The following CCDC85C variants were observed in gnomAD, a reference collection of about 807,000 sequenced individuals.
The protein encoded by CCDC85C is coiled-coil domain containing 85C.
In CCDC85C, 18 loss-of-function variants were observed where a neutral mutation model predicts 38.3. That is an observed-to-expected ratio of 0.47 (90% CI 0.33 to 0.70). The LOEUF (loss-of-function observed/expected upper bound fraction) is 0.70, where lower values mean the gene tolerates loss of function less well. Among genes scored for constraint, CCDC85C ranks in the 30% least tolerant of loss-of-function variants. The pLI is 0.03. For missense variants in CCDC85C, 566 were observed against 621.2 expected, an observed-to-expected ratio of 0.91 and a Z score of 0.94; for synonymous variants, 264 against 293.8, an observed-to-expected ratio of 0.90 and a Z score of 1.04.
chr14:99,561,627 G>A (rs1051898954), intron 1 of CCDC85C, among the ~76,000 whole-genome samples: 11 of 152,266 alleles, frequency 7.2e-5, no homozygotes, highest in Admixed American at 2.6e-4. Flanking sequence ...TGCTGCGAGC[G>A]GGCAGACCCT....
At chr14:99,550,274 T>C (rs1897883038) in intron 1 of CCDC85C, among the ~76,000 whole-genome samples, 1 of 152,154 alleles carries the variant, frequency 6.6e-6, no homozygotes. Context: ...TCTAACTGCA[T>C]GAATGTTTAA....
At chr14:99,527,425 T>C (rs539290108) in intron 2 of CCDC85C, among the ~76,000 whole-genome samples, 232 of 152,224 alleles carry the variant, frequency 1.5e-3, no homozygotes, top group Non-Finnish European at 2.8e-3. Context: ...GGGCAGGTAT[T>C]CTGGGGCGGG....
At chr14:99,595,029 G>T (rs1441386178) in intron 1 of CCDC85C, among the ~76,000 whole-genome samples, 2 of 152,188 alleles carry the variant, frequency 1.3e-5, no homozygotes, top group Non-Finnish European at 2.9e-5. Context: ...ATCAGAAAAG[G>T]TTAGAGCTAG....
In CCDC85C at chr14:99,544,120, G is replaced by A. The variant is rs1481979509; in HGVS notation, c.794-8032C>T. On this transcript the variant is annotated intron_variant, in intron 1 of 5. Transcript: ENST00000380243. This position sits in a 1 kb window ranked among gnomAD's most constrained non-coding sequence, Gnocchi z 5.3. ...CACAACCCCATCACACCAAGCTGAC[G>A]AGGGACATCCTGTAACTGCTACCAC... Among the ~76,000 whole-genome samples, 2 of 152,166 alleles carry A rather than the reference G, an allele frequency of 1.3e-5. No individual in the cohort carries two copies. Among genetic ancestry groups the A allele is most frequent in the Non-Finnish European group, 2.9e-5 (2 of 68,038 alleles).
chr14:99,510,496 C>G lies in CCDC85C; in HGVS notation c.*4750G>C. Reference sequence around the variant, plus strand: ...TACCCGCCCAACCCGCCCCCGCCACCTGTGCCTCCTCCCCCAGCCTCCTTC... The same window carrying G: ...TACCCGCCCAACCCGCCCCCGCCACGTGTGCCTCCTCCCCCAGCCTCCTTC... On this transcript the variant is annotated 3_prime_UTR_variant, in exon 6 of 6. Coordinates refer to ENST00000380243, the MANE Select transcript of CCDC85C (RefSeq NM_001144995.2). The G allele has an allele frequency of 1.7e-6, 2 of 1,164,182 alleles. No homozygotes were observed. The highest frequency in any genetic ancestry group is 2.4e-6 in the Non-Finnish European group (2 of 830,890). 72.1% of individuals were successfully genotyped at this position (1,164,182 alleles called of 1,614,324 possible).
chr14:99,593,245 G>C (rs865792447), intron 1 of CCDC85C, among the ~76,000 whole-genome samples: 2 of 152,358 alleles, frequency 1.3e-5, no homozygotes, highest in South Asian at 4.1e-4. Flanking sequence ...CCTCCTTCTT[G>C]CCTTACAACC....
chr14:99,510,460 ACCC>A lies in CCDC85C; in HGVS notation c.*4783_*4785del, dbSNP rs1302182253. On this transcript the variant is annotated 3_prime_UTR_variant, in exon 6 of 6. Coordinates refer to ENST00000380243, the MANE Select transcript of CCDC85C (RefSeq NM_001144995.2). ...GGCCCACCTGCACACCTGCCCTACC[ACCC>A]CCATGTCTACCCGCCCAACCCGCCC... is the stretch of plus-strand genomic sequence containing the variant. The A allele has an allele frequency of 8.9e-7, 1 of 1,120,372 alleles. No individual in the cohort carries two copies. The highest frequency in any genetic ancestry group is 1.1e-6 in the Non-Finnish European group (1 of 894,746). The allele number at this position is 1,120,372 out of a possible 1,614,324, so 69.4% of individuals were successfully genotyped here.
chr14:99,529,477 G>A (rs569230602), intron 2 of CCDC85C, among the ~76,000 whole-genome samples: 83 of 152,232 alleles, frequency 5.5e-4, no homozygotes, highest in African/African-American at 1.7e-3. Flanking sequence ...ATCTCGGCTT[G>A]CTGCAACCTC....
chr14:99,585,192 T>G (rs2055013781), intron 1 of CCDC85C, among the ~76,000 whole-genome samples: 1 of 152,210 alleles, frequency 6.6e-6, no homozygotes, highest in Non-Finnish European at 1.5e-5. Context: ...CATGTCACTG[T>G]GGGCCACACT....
At position 99,500,920 on chromosome 14, in the gene CCDC85C, T is replaced by C. The variant is rs183907313; in HGVS notation, c.*14326A>G. The stretch of plus-strand genomic sequence containing the variant: ...ATTTTTTCATTCTGAAATCAAGTCT[T>C]TATAATTTGATGACACTCAAATTAC... On this transcript the variant is annotated 3_prime_UTR_variant, in exon 6 of 6. Transcript: ENST00000380243. 4.0e-5 allele frequency: 47 copies of C among 1,171,950 alleles called. No individual in the cohort carries two copies. Among genetic ancestry groups the C allele is most frequent in the Non-Finnish European group, 5.4e-5 (44 of 819,476 alleles). 72.6% of individuals were successfully genotyped at this position (1,171,950 alleles called of 1,614,324 possible).
At chr14:99,571,956 C>G (rs1898354922) in intron 1 of CCDC85C, among the ~76,000 whole-genome samples, 1 of 152,212 alleles carries the variant, frequency 6.6e-6, no homozygotes, top group Non-Finnish European at 1.5e-5. Flanking sequence ...CCTGAAGCCT[C>G]AGGGGAAGGA....
At position 99,517,128 on chromosome 14, in the gene CCDC85C, G is replaced by A; in HGVS notation, c.1031C>T (p.Pro344Leu). 1 of 1,550,408 alleles carries A rather than the reference G, an allele frequency of 6.4e-7. No individual in the cohort carries two copies. Among genetic ancestry groups the A allele is most frequent in the South Asian group, 1.2e-5 (1 of 84,056 alleles). The change falls in exon 4 of 6, where the codon CCT becomes CTT. Residue 344 changes from proline to leucine, a missense_variant. By Grantham distance (98) the Pro-to-Leu change is moderately conservative. Around this residue, in one of 3 missense-constraint regions of CCDC85C, gnomAD observed 286 missense variants for 276.4 expected, o/e 1.03. Coordinates refer to ENST00000380243, the MANE Select transcript of CCDC85C (RefSeq NM_001144995.2). ...GACAGCCTCGGGCTTCTGTCCTGCA[G>A]GGCTGTAGCCAGCAGAGGGGGGCGA... ...LPSPPSAGYS[P>L]AGQKPEAVVH...
chr14:99,602,066 G>T (rs1409931236), intron 1 of CCDC85C, among the ~76,000 whole-genome samples: 4 of 152,192 alleles, frequency 2.6e-5, no homozygotes, highest in African/African-American at 9.7e-5. Flanking sequence ...GGCTTTAAAG[G>T]GAACCAGAAA....
In CCDC85C at chr14:99,510,655, GCCTGCCGCCAGCCAGCTACCCACCT is replaced by G; in HGVS notation, c.*4566_*4590del. ...CCCCCTCATCCTCCTCCAGGGTTGG[GCCTGCCGCCAGCCAGCTACCCACCT>G]CCTGCCGTCCCCCCTGGAGGACAGC... is the stretch of plus-strand genomic sequence containing the variant. On this transcript the variant is annotated 3_prime_UTR_variant, in exon 6 of 6. Transcript: ENST00000380243. The G allele has an allele frequency of 1.4e-6, 2 of 1,410,468 alleles. No individual in the cohort carries two copies. The highest frequency in any genetic ancestry group is 1.8e-6 in the Non-Finnish European group (2 of 1,083,670). The allele number at this position is 1,410,468 out of a possible 1,614,324, so 87.4% of individuals were successfully genotyped here.
At chr14:99,534,615 C>T in intron 2 of CCDC85C, 1 of 702,282 alleles carries the variant, frequency 1.4e-6, no homozygotes. Context: ...TTCTCCAAAG[C>T]AAAGGTCCCT....
chr14:99,556,323 C>T (rs1361916093), intron 1 of CCDC85C, among the ~76,000 whole-genome samples: 2 of 152,140 alleles, frequency 1.3e-5, no homozygotes, highest in South Asian at 2.1e-4. Flanking sequence ...GAGGCTAAGG[C>T]GGGAGGATCA....
In CCDC85C at chr14:99,569,241, C is replaced by T. The variant is rs1898285700; in HGVS notation, c.794-33153G>A. Among the ~76,000 whole-genome samples, 1 of 152,208 alleles carries T rather than the reference C, an allele frequency of 6.6e-6. No individual in the cohort carries two copies. The highest frequency in any genetic ancestry group is 1.5e-5 in the Non-Finnish European group (1 of 68,028). On this transcript the variant is annotated intron_variant, in intron 1 of 5. Transcript: ENST00000380243. The surrounding 1 kb of genome is among the most constrained non-coding windows in gnomAD (Gnocchi z 4.3). ...AAATCCTCCCAACTCCCAGGGGTGGCCCTCCAGTACGAAGGCTGAAAACAA... is the reference window on the plus strand; with the variant it reads ...AAATCCTCCCAACTCCCAGGGGTGGTCCTCCAGTACGAAGGCTGAAAACAA...
In CCDC85C at chr14:99,542,116, C is replaced by G. The variant is rs117169480; in HGVS notation, c.794-6028G>C. Among the ~76,000 whole-genome samples, 823 of 152,368 alleles carry G rather than the reference C, an allele frequency of 5.4e-3. 7 individuals carry two copies. The highest frequency in any genetic ancestry group is 8.1e-3 in the Non-Finnish European group (554 of 68,026). On this transcript the variant is annotated intron_variant, in intron 1 of 5. Coordinates refer to ENST00000380243, the MANE Select transcript of CCDC85C (RefSeq NM_001144995.2). Reference sequence around the variant, plus strand: ...CCTCCATGGGCCCTGTGCAAGACAGCTGATACCACCGTTCAGCGCAGCAGC... The same window carrying G: ...CCTCCATGGGCCCTGTGCAAGACAGGTGATACCACCGTTCAGCGCAGCAGC...
intron 2 of CCDC85C, among the ~76,000 whole-genome samples, chr14:99,531,647 C>T (rs1469400430): frequency 7.4e-6 from 1 of 135,332 alleles, no homozygotes; most frequent in Non-Finnish European, 1.6e-5. Flanking sequence ...CCCACCCAAA[C>T]CCCAAAGCCA....
Sources: gnomAD v4.1 joint callset for allele counts (sites outside exome capture counted in the v4.1 genomes callset) on GRCh38, gnomAD v4.1.1 for gene constraint, gnomAD v4.1.1 regional missense constraint, Gnocchi (gnomAD v3.1) non-coding constraint, MANE v1.5 for transcripts, NCBI Gene and HGNC (gene_info 2026-07-23, HGNC 2026-07-21) for gene names.